CD86: variants seen among roughly 807,000 people sequenced by gnomAD.
CD86 encodes T-lymphocyte activation antigen CD86.
In CD86, 11 loss-of-function variants were observed where a neutral mutation model predicts 32.1. That is an observed-to-expected ratio of 0.34 (90% CI 0.22 to 0.57). The LOEUF is 0.57. Ranked by LOEUF, CD86 falls within the 20% of genes least tolerant of loss-of-function variation. The pLI is 0.86. For synonymous variants in CD86, 137 were observed against 135.3 expected (o/e 1.01, Z -0.09); for missense variants, 359 against 398.4 (o/e 0.90, Z 0.84).
intron 1 of CD86, among the ~76,000 whole-genome samples, chr3:122,088,919 A>G (rs2072768819): frequency 2.6e-5 from 4 of 152,254 alleles, no homozygotes; most frequent in African/African-American, 9.6e-5. Context: ...CAAAAGGTGG[A>G]AGCAACTCAA....
At chr3:122,059,707 AATTCAT>A (rs1286150360) in intron 1 of CD86, among the ~76,000 whole-genome samples, 1 of 152,148 alleles carries the variant, frequency 6.6e-6, no homozygotes, top group Non-Finnish European at 1.5e-5. Flanking sequence ...GCTCCCTTAA[AATTCAT>A]ATGTTGAAAT....
intron 2 of CD86, among the ~76,000 whole-genome samples, chr3:122,098,580 G>A (rs1361916199): frequency 6.6e-6 from 1 of 152,144 alleles, no homozygotes; most frequent in Non-Finnish European, 1.5e-5. Flanking sequence ...TTGGTGGAAG[G>A]CATCAGAGGC....
At chr3:122,100,125 C>T (rs571305304) in intron 2 of CD86, among the ~76,000 whole-genome samples, 2 of 152,214 alleles carry the variant, frequency 1.3e-5, no homozygotes, top group East Asian at 3.9e-4. Context: ...GTGGAGTTGA[C>T]AAGATCAAAG....
intron 1 of CD86, among the ~76,000 whole-genome samples, chr3:122,080,336 G>A (rs902484157): frequency 6.6e-6 from 1 of 152,164 alleles, no homozygotes; most frequent in Non-Finnish European, 1.5e-5. Context: ...GTTTGAAATA[G>A]GGTGTGCCTT....
At chr3:122,075,265 T>G (rs749856808) in intron 1 of CD86, among the ~76,000 whole-genome samples, 10 of 152,098 alleles carry the variant, frequency 6.6e-5, no homozygotes, top group African/African-American at 2.2e-4. Flanking sequence ...GTGGCAGAGC[T>G]GCCAATGGGT....
chr3:122,119,479 G>C lies in CD86; in HGVS notation c.935G>C (p.Arg312Pro). 1 of 1,611,844 alleles carries C rather than the reference G, an allele frequency of 6.2e-7. No individual in the cohort carries two copies. The highest frequency in any genetic ancestry group is 1.1e-5 in the South Asian group (1 of 90,966). ...CCTGAAAGATCTGATGAAGCCCAGCGTGTTTTTAAAAGTTCGAAGACATCT... is the reference window on the plus strand; with the variant it reads ...CCTGAAAGATCTGATGAAGCCCAGCCTGTTTTTAAAAGTTCGAAGACATCT... ...HIPERSDEAQ[R>P]VFKSSKTSSC... The change falls in exon 7 of 7, where the codon CGT becomes CCT. Residue 312 changes from arginine (R) to proline (P), a missense_variant. Transcript: ENST00000330540.
intron 3 of CD86, among the ~76,000 whole-genome samples, chr3:122,104,980 C>T (rs759816540): frequency 1.9e-4 from 29 of 152,026 alleles, no homozygotes; most frequent in Non-Finnish European, 8.8e-5. Context: ...TTTGATGAAA[C>T]TTGAAAAGGC....
At position 122,089,426 on chromosome 3, in the gene CD86, G is replaced by A. The variant is rs141329009; in HGVS notation, c.15-2175G>A. 4.1e-3 allele frequency among the ~76,000 whole-genome samples: 618 copies of A among 152,274 alleles called. 1 individual carries two copies. The highest frequency in any genetic ancestry group is 6.7e-3 in the Non-Finnish European group (456 of 68,004). On this transcript the variant is annotated intron_variant, in intron 1 of 6. Coordinates refer to ENST00000330540, the MANE Select transcript of CD86 (RefSeq NM_175862.5). The stretch of plus-strand genomic sequence containing the variant: ...AAATTAGAAAACACGTTGGCAAAAG[G>A]TACATGAAAATAAGCACTCTTGTGT...
chr3:122,079,736 T>G (rs1215889414), intron 1 of CD86, among the ~76,000 whole-genome samples: 1 of 152,212 alleles, frequency 6.6e-6, no homozygotes, highest in East Asian at 1.9e-4. Flanking sequence ...AGGCGCCATT[T>G]TGAATATGTG....
intron 1 of CD86, among the ~76,000 whole-genome samples, chr3:122,075,162 C>T (rs955608898): frequency 3.3e-5 from 5 of 151,932 alleles, no homozygotes; most frequent in African/African-American, 1.2e-4. Flanking sequence ...ATCTCTGACT[C>T]TTTAACAAAA....
intron 4 of CD86, 131 bp downstream of exon 4, chr3:122,106,631 C>A: frequency 2.6e-6 from 2 of 765,796 alleles, no homozygotes; most frequent in East Asian, 2.5e-5. Flanking sequence ...TAGGAAGGAC[C>A]CAGATGGAGG....
intron 1 of CD86, among the ~76,000 whole-genome samples, chr3:122,083,483 C>T (rs2072664682): frequency 6.6e-6 from 1 of 152,188 alleles, no homozygotes; most frequent in Non-Finnish European, 1.5e-5. Flanking sequence ...CCTTCACCTA[C>T]TTAGCACCTA....
chr3:122,082,595 C>G (rs561756267), intron 1 of CD86, among the ~76,000 whole-genome samples: 122 of 152,320 alleles, frequency 8.0e-4, no homozygotes, highest in African/African-American at 2.9e-3. Flanking sequence ...ATGAAATTTA[C>G]TTAGCCATAC....
At chr3:122,101,203 G>A (rs2072993835) in intron 2 of CD86, among the ~76,000 whole-genome samples, 1 of 152,066 alleles carries the variant, frequency 6.6e-6, no homozygotes, top group Admixed American at 6.6e-5. Context: ...CAGAGGCAGA[G>A]ATTCTCTACA....
At chr3:122,078,693 T>TATTTGC (rs1307990354) in intron 1 of CD86, among the ~76,000 whole-genome samples, 8 of 152,252 alleles carry the variant, frequency 5.3e-5, no homozygotes, top group Non-Finnish European at 8.8e-5. Context: ...ACGGTGAACC[T>TATTTGC]ATTTGCATTT....
At chr3:122,100,302 T>C (rs566916061) in intron 2 of CD86, among the ~76,000 whole-genome samples, 1 of 152,236 alleles carries the variant, frequency 6.6e-6, no homozygotes, top group South Asian at 2.1e-4. Context: ...TTGCTCAAAG[T>C]CCCCACAAAG....
intron 1 of CD86, among the ~76,000 whole-genome samples, chr3:122,063,139 GA>G: frequency 6.6e-6 from 1 of 152,270 alleles, no homozygotes; most frequent in South Asian, 2.1e-4. Context: ...AGTTGTCTAT[GA>G]AAACTTTCTT....
chr3:122,079,336 C>T (rs1272481700), intron 1 of CD86, among the ~76,000 whole-genome samples: 1 of 152,048 alleles, frequency 6.6e-6, no homozygotes, highest in East Asian at 1.9e-4. Context: ...AGGGAGAAAA[C>T]ATGAGAAAGA....
chr3:122,119,511 G>T lies in CD86; in HGVS notation c.967G>T (p.Asp323Tyr). The change falls in exon 7 of 7, where the codon GAC becomes TAC. Residue 323 changes from aspartate (D) to tyrosine (Y), a missense_variant. Coordinates refer to ENST00000330540, the MANE Select transcript of CD86 (RefSeq NM_175862.5). ...VFKSSKTSSC[D>Y]KSDTCF ...TAAAAGTTCGAAGACATCTTCATGCGACAAAAGTGATACATGTTTTTAATT... is the reference window on the plus strand; with the variant it reads ...TAAAAGTTCGAAGACATCTTCATGCTACAAAAGTGATACATGTTTTTAATT... 1 of 1,601,342 alleles carries T rather than the reference G, an allele frequency of 6.2e-7. No individual in the cohort carries two copies. The highest frequency in any genetic ancestry group is 1.1e-5 in the South Asian group (1 of 90,724).
Sources: gnomAD v4.1 joint callset for allele counts (sites outside exome capture counted in the v4.1 genomes callset) on GRCh38, gnomAD v4.1.1 for gene constraint, MANE v1.5 for transcripts, NCBI Gene and HGNC (gene_info 2026-07-23, HGNC 2026-07-21) for gene names.